The following EXOC4 variants were observed in gnomAD, a reference collection of about 807,000 sequenced individuals.
The protein encoded by EXOC4 is SEC8-like 1.
In EXOC4, 71 loss-of-function variants were observed where a neutral mutation model predicts 107.2. The ratio of observed to expected loss-of-function variants is 0.66; its 90% CI spans 0.55 to 0.81. The LOEUF (loss-of-function observed/expected upper bound fraction) is 0.81, where lower values mean the gene tolerates loss of function less well. Ranked by LOEUF, EXOC4 falls within the 30% of genes least tolerant of loss-of-function variation. EXOC4 has a pLI of 0.00. For missense variants in EXOC4, 1,108 were observed against 1,189.6 expected, an observed-to-expected ratio of 0.93 and a Z score of 1.01; for synonymous variants, 456 against 441.2, an observed-to-expected ratio of 1.03 and a Z score of -0.42.
At chr7:133,432,019 A>G (rs1165273080) in intron 7 of EXOC4, among the ~76,000 whole-genome samples, 1 of 152,146 alleles carries the variant, frequency 6.6e-6, no homozygotes, top group Non-Finnish European at 1.5e-5. Flanking sequence ...TTAAAATAAC[A>G]TGTTTAAAAA....
chr7:133,768,489 G>T (rs1412206709), intron 10 of EXOC4: 1 of 151,846 alleles, frequency 6.6e-6, no homozygotes, highest in Non-Finnish European at 1.5e-5. Flanking sequence ...AACAGCAACT[G>T]GTTCTCTAGG....
intron 4 of EXOC4, among the ~76,000 whole-genome samples, chr7:133,308,808 G>T (rs373038014): frequency 6.6e-6 from 1 of 152,124 alleles, no homozygotes; most frequent in East Asian, 1.9e-4. Context: ...GATCTGAAGT[G>T]ATAGAGATAA....
At chr7:133,910,444 T>G (rs1799667492) in intron 12 of EXOC4, among the ~76,000 whole-genome samples, 1 of 152,190 alleles carries the variant, frequency 6.6e-6, no homozygotes, top group Admixed American at 6.5e-5. Context: ...ATGGGCCTTC[T>G]CCAGAGTTAT....
chr7:133,496,381 G>A (rs964341713), intron 9 of EXOC4, among the ~76,000 whole-genome samples: 3 of 152,004 alleles, frequency 2.0e-5, no homozygotes, highest in Admixed American at 6.6e-5. Context: ...TGCTGAGGCT[G>A]GTCTCAAGCT....
At chr7:133,877,004 T>G (rs958114640) in intron 11 of EXOC4, among the ~76,000 whole-genome samples, 1 of 152,164 alleles carries the variant, frequency 6.6e-6, no homozygotes, top group Admixed American at 6.5e-5. Context: ...TATATCTTTT[T>G]ATATTTTCTC....
chr7:133,914,050 C>G (rs1029285082), intron 12 of EXOC4, among the ~76,000 whole-genome samples: 1 of 152,128 alleles, frequency 6.6e-6, no homozygotes, highest in Non-Finnish European at 1.5e-5. Context: ...AAAAAGTGCT[C>G]TTGGGTTGGT....
intron 10 of EXOC4, chr7:133,727,396 G>T: frequency 6.3e-6 from 1 of 158,836 alleles, no homozygotes. Context: ...ACCTTCTAAT[G>T]GATTCCACAA....
chr7:133,374,761 G>A (rs1342864202), intron 6 of EXOC4, 67 bp from the exon 7 acceptor site: 2 of 1,319,650 alleles, frequency 1.5e-6, no homozygotes, highest in Non-Finnish European at 1.1e-6. Context: ...TTTTCTTGCA[G>A]GTCACTGTAA....
intron 12 of EXOC4, among the ~76,000 whole-genome samples, chr7:133,896,328 C>G (rs926813456): frequency 6.6e-6 from 1 of 151,876 alleles, no homozygotes; most frequent in Non-Finnish European, 1.5e-5. Flanking sequence ...TCTAAGAAAG[C>G]TAATAATGGG....
chr7:133,905,685 C>A (rs1051606656), intron 12 of EXOC4, among the ~76,000 whole-genome samples: 3 of 152,022 alleles, frequency 2.0e-5, no homozygotes, highest in African/African-American at 4.8e-5. Context: ...TTGTGTTGGG[C>A]CTGGCAGAGA....
At chr7:133,279,640 T>C (rs193235307) in intron 2 of EXOC4, among the ~76,000 whole-genome samples, 1,820 of 152,214 alleles carry the variant, frequency 0.012, 28 homozygotes, top group African/African-American at 0.041. Context: ...TGCCTTAGCC[T>C]CCTGAGTAGT....
chr7:133,286,030 A>T (rs1794268734), intron 2 of EXOC4, among the ~76,000 whole-genome samples: 1 of 152,124 alleles, frequency 6.6e-6, no homozygotes, highest in South Asian at 2.1e-4. Flanking sequence ...AAGTACTAGG[A>T]TTATAGTAAG....
At chr7:133,691,628 G>A (rs946556663) in intron 10 of EXOC4, among the ~76,000 whole-genome samples, 16 of 152,140 alleles carry the variant, frequency 1.1e-4, no homozygotes, top group African/African-American at 3.9e-4. Context: ...GGGAGAGACA[G>A]ATAATAAACA....
chr7:133,600,210 G>A (rs117490031), intron 9 of EXOC4, among the ~76,000 whole-genome samples: 218 of 152,150 alleles, frequency 1.4e-3, no homozygotes, highest in Middle Eastern at 3.4e-3. Context: ...TGACTTTTGA[G>A]GTCTTTGAAT....
At chr7:133,974,554 A>C (rs1347923027) in intron 14 of EXOC4, among the ~76,000 whole-genome samples, 2 of 152,204 alleles carry the variant, frequency 1.3e-5, no homozygotes, top group Non-Finnish European at 2.9e-5. Context: ...CTAATCTTAG[A>C]TATTATTCTC....
intron 12 of EXOC4, among the ~76,000 whole-genome samples, chr7:133,906,253 ACT>A (rs1262461781): frequency 1.3e-5 from 2 of 151,870 alleles, no homozygotes; most frequent in Non-Finnish European, 2.9e-5. Flanking sequence ...TAGGAATGAG[ACT>A]CTCCTTGAGC....
At chr7:133,335,082 A>C (rs1795480834) in intron 5 of EXOC4, among the ~76,000 whole-genome samples, 1 of 152,248 alleles carries the variant, frequency 6.6e-6, no homozygotes, top group African/African-American at 2.4e-5. Flanking sequence ...GGAATAAATA[A>C]CATGCACGTG....
chr7:133,905,006 AAT>A (rs1296856535), intron 12 of EXOC4, among the ~76,000 whole-genome samples: 1 of 152,212 alleles, frequency 6.6e-6, no homozygotes, highest in Non-Finnish European at 1.5e-5. Context: ...GCTGCCAGCA[AAT>A]GACTGACTTA....
At chr7:133,619,984 C>CTG (rs34442997) in intron 9 of EXOC4, among the ~76,000 whole-genome samples, 3,749 of 149,540 alleles carry the variant, frequency 0.025, 135 homozygotes, top group African/African-American at 0.079. Context: ...TCCCTGTTTT[C>CTG]TGTGTGTGTG....
Sources: allele counts gnomAD v4.1 joint callset (sites outside exome capture counted in the v4.1 genomes callset), GRCh38; gene constraint gnomAD v4.1.1; transcripts MANE v1.5; gene names NCBI Gene and HGNC (gene_info 2026-07-23, HGNC 2026-07-21).